FANCM: variants seen among roughly 807,000 people sequenced by gnomAD.
FANCM encodes FA complementation group M.
A neutral mutation model predicts 199.5 loss-of-function variants in FANCM; 140 were observed. The ratio of observed to expected loss-of-function variants is 0.70; its 90% CI spans 0.61 to 0.81. The LOEUF (loss-of-function observed/expected upper bound fraction) is 0.81, where lower values mean the gene tolerates loss of function less well. FANCM is among the 30% of genes least tolerant of loss of function. The probability of loss-of-function intolerance (pLI) is 0.00; values close to 1 mark genes in which losing one functional copy is unlikely to be tolerated. For missense variants in FANCM, 2,410 were observed against 2,421.4 expected (o/e 1.00, Z 0.10); for synonymous variants, 840 against 836.8 (o/e 1.00, Z -0.07).
At chr14:45,144,444 C>T (rs184902137) in intron 3 of FANCM, among the ~76,000 whole-genome samples, 2 of 152,166 alleles carry the variant, frequency 1.3e-5, no homozygotes, top group Admixed American at 6.5e-5. Flanking sequence ...CAAGTTCCTC[C>T]AGGCCCCGGG....
chr14:45,168,975 G>A (rs570628885), intron 11 of FANCM, among the ~76,000 whole-genome samples: 1 of 151,856 alleles, frequency 6.6e-6, no homozygotes, highest in African/African-American at 2.4e-5. Context: ...AGGCTGGAGT[G>A]CAGTGGCATG....
rs113814749 is a variant in FANCM, at chr14:45,191,582, AATAG to A, written c.5340+2224_5340+2227del. ...GTACTTTGGTATGTCCTAACTAAAA[AATAG>A]ATATAGGATAGTGATACTTTGAAGA... On this transcript the variant is annotated intron_variant, in intron 20 of 22. Transcript: ENST00000267430. Among the ~76,000 whole-genome samples the A allele has an allele frequency of 1.5e-3, 233 of 152,348 alleles. 1 individual carries two copies. Among genetic ancestry groups the A allele is most frequent in the African/African-American group, 5.5e-3 (228 of 41,576 alleles).
intron 14 of FANCM, among the ~76,000 whole-genome samples, chr14:45,179,348 C>G (rs914590281): frequency 2.6e-5 from 4 of 152,092 alleles, no homozygotes; most frequent in Non-Finnish European, 5.9e-5. Context: ...CCTGGCTGTT[C>G]TCTGGGTTTG....
chr14:45,136,360 G>A lies in FANCM; in HGVS notation c.329G>A (p.Cys110Tyr). ...GCTCTGTTTTGCAATACGCTGGTGT[G>A]TCTGCCTACCGGACTGGGAAAGACC... ...RAALFCNTLVCLPTGLGKTFI... is the reference protein window; with the variant it reads ...RAALFCNTLVYLPTGLGKTFI... Residue 110 changes from cysteine (C) to tyrosine (Y), a missense_variant, in exon 1 of 23, where the codon TGT becomes TAT. Physicochemically the swap from Cys to Tyr is radical, Grantham distance 194 (BLOSUM62 -2). Transcript: ENST00000267430. The A allele has an allele frequency of 6.2e-7, 1 of 1,614,180 alleles. No individual in the cohort carries two copies. The highest frequency in any genetic ancestry group is 8.5e-7 in the Non-Finnish European group (1 of 1,180,034).
rs1890218736 is a variant in FANCM at position 45,198,928 on chromosome 14, G to A, written c.6001G>A (p.Ala2001Thr). The A allele has an allele frequency of 6.2e-7, 1 of 1,603,310 alleles. No homozygotes were observed. The highest frequency in any genetic ancestry group is 8.5e-7 in the Non-Finnish European group (1 of 1,170,956). The change falls in exon 22 of 23, where the codon GCT becomes ACT. Residue 2001 changes from alanine (A) to threonine (T), a missense_variant. By Grantham distance (58) the Ala-to-Thr change is moderately conservative. Coordinates refer to ENST00000267430, the MANE Select transcript of FANCM (RefSeq NM_020937.4). Reference sequence around the variant, plus strand: ...CCAGTTTTCATCTGTGAAAAGGATGGCTAACAGGTATGTCTGTTGTAATAT... The same window carrying A: ...CCAGTTTTCATCTGTGAAAAGGATGACTAACAGGTATGTCTGTTGTAATAT... Reference protein sequence around the residue: ...CHQFSSVKRMANSSLQEISMY... With the variant: ...CHQFSSVKRMTNSSLQEISMY...
At chr14:45,143,428 G>A (rs112825861) in intron 3 of FANCM, among the ~76,000 whole-genome samples, 67 of 152,100 alleles carry the variant, frequency 4.4e-4, no homozygotes, top group Middle Eastern at 3.4e-3. Flanking sequence ...TGATCCACCT[G>A]TCTCAGCCTC....
At chr14:45,166,279 A>G (rs1359126714) in intron 10 of FANCM, among the ~76,000 whole-genome samples, 1 of 151,132 alleles carries the variant, frequency 6.6e-6, no homozygotes, top group African/African-American at 2.4e-5. Flanking sequence ...CTACAGGCGC[A>G]TGCCACCATG....
Position 45,138,368 on chromosome 14 carries a change from C to T in FANCM, c.681+1127C>T, listed in dbSNP as rs926127578. ...TAGTCATTTCTTTGGGGACTGTAAACGTTATTGTATTATATCTCTGTATTA... is the reference window on the plus strand; with the variant it reads ...TAGTCATTTCTTTGGGGACTGTAAATGTTATTGTATTATATCTCTGTATTA... On this transcript the variant is annotated intron_variant, in intron 2 of 22. Transcript: ENST00000267430. 6.6e-5 allele frequency among the ~76,000 whole-genome samples: 10 copies of T among 152,072 alleles called. No homozygotes were observed. In the East Asian group the frequency reaches 1.7e-3, roughly 26 times the overall value.
chr14:45,136,169 G>A lies in FANCM; in HGVS notation c.138G>A (p.Ala46=), dbSNP rs752946803. 6.2e-6 allele frequency: 10 copies of A among 1,614,180 alleles called. No homozygotes were observed. The South Asian group carries it at 7.7e-5, about 12-fold the overall frequency. ...GSSKAPLPAA[A]EAQLESDDDV... ...CCAAGGCGCCTTTGCCAGCAGCAGC[G>A]GAGGCTCAGCTGGAGTCGGACGATG... Residue 46 remains alanine, a synonymous_variant, in exon 1 of 23, where the codon GCG becomes GCA. Coordinates refer to ENST00000267430, the MANE Select transcript of FANCM (RefSeq NM_020937.4).
At chr14:45,141,012 T>C (rs922331663) in intron 3 of FANCM, among the ~76,000 whole-genome samples, 1 of 151,980 alleles carries the variant, frequency 6.6e-6, no homozygotes, top group African/African-American at 2.4e-5. Context: ...GCTGCAGCCT[T>C]GGTGACAGAG....
intron 21 of FANCM, 96 bp from the exon 22 acceptor site, chr14:45,198,548 G>T: frequency 1.3e-6 from 1 of 781,446 alleles, no homozygotes; most frequent in Non-Finnish European, 2.0e-6. Flanking sequence ...TTGCTCAATG[G>T]TGTAGATCTT....
At chr14:45,197,848 C>T (rs1376537816) in intron 21 of FANCM, among the ~76,000 whole-genome samples, 1 of 151,634 alleles carries the variant, frequency 6.6e-6, no homozygotes, top group Non-Finnish European at 1.5e-5. Flanking sequence ...ACTGCAACCT[C>T]CGCCTCCTGT....
rs1217555640 is a variant in FANCM at position 45,136,433 on chromosome 14, A to G, written c.402A>G (p.Ser134=). 1.9e-6 allele frequency: 3 copies of G among 1,614,034 alleles called. No individual in the cohort carries two copies. Among genetic ancestry groups the G allele is most frequent in the Non-Finnish European group, 1.7e-6 (2 of 1,180,030 alleles). The change falls in exon 1 of 23, where the codon TCA becomes TCG. Residue 134 remains serine, a synonymous_variant. Transcript: ENST00000267430. ...VMYNFYRWFP[S]GKVVFMAPTK... ...ACAATTTCTACCGCTGGTTCCCTTC[A>G]GGAAAGGTGGTCTTCATGGCCCCAA...
Position 45,185,390 on chromosome 14 carries a change from T to A in FANCM, c.4672+17T>A, listed in dbSNP as rs771506200. On this transcript the variant is annotated intron_variant, in intron 18 of 22. Coordinates refer to ENST00000267430, the MANE Select transcript of FANCM (RefSeq NM_020937.4). ...CTATAAATGGTAAATGTTATAATGA[T>A]CCTTAAAATTTTTTTCAATGTTTTT... 2.0e-6 allele frequency: 3 copies of A among 1,491,712 alleles called. No individual in the cohort carries two copies. Among genetic ancestry groups the A allele is most frequent in the African/African-American group, 2.8e-5 (2 of 71,112 alleles). 92.4% of individuals were successfully genotyped at this position (1,491,712 alleles called of 1,614,324 possible). A position where few individuals can be genotyped will look rare whatever the true frequency, so the allele number is the denominator to read the frequency against.
At chr14:45,137,014 A>G (rs1885563383) in intron 1 of FANCM, 55 bp from the exon 2 acceptor site, 1 of 1,324,814 alleles carries the variant, frequency 7.5e-7, no homozygotes, top group Admixed American at 1.7e-5. Context: ...GACTATTTAT[A>G]TTTTATAGAT....
At position 45,173,053 on chromosome 14, in the gene FANCM, AG is replaced by A; in HGVS notation, c.2161del. 6.3e-7 allele frequency: 1 copy of A among 1,599,172 alleles called. No individual in the cohort carries two copies. The highest frequency in any genetic ancestry group is 8.6e-7 in the Non-Finnish European group (1 of 1,166,546). ...ATTTTTATTACTTTTTAAATAATTA[AG>A]GCTCAAGAATCAACCACTGGAATTC... is the stretch of plus-strand genomic sequence containing the variant. On this transcript the variant is annotated splice_acceptor_variant, in intron 12 of 22. Transcript: ENST00000267430. LOFTEE classifies it high-confidence loss of function.
chr14:45,198,681 T>C lies in FANCM; in HGVS notation c.5754T>C (p.Tyr1918=), dbSNP rs772310452. 6.2e-7 allele frequency: 1 copy of C among 1,613,562 alleles called. No homozygotes were observed. The highest frequency in any genetic ancestry group is 1.3e-5 in the African/African-American group (1 of 74,920). ...GGATGTTTAGGAGAACAAAGAGCTA[T>C]GACAGCCTGCTGACTACCTTAATTG... ...TSRMFRRTKS[Y]DSLLTTLIGA... is the part of the protein sequence containing the mutation. The change falls in exon 22 of 23, where the codon TAT becomes TAC. Residue 1918 remains tyrosine, a synonymous_variant. Transcript: ENST00000267430.
intron 20 of FANCM, among the ~76,000 whole-genome samples, chr14:45,194,922 T>A (rs1020417610): frequency 2.0e-5 from 3 of 151,942 alleles, no homozygotes; most frequent in African/African-American, 7.3e-5. Context: ...ATAATTGTTG[T>A]ATTTTTAGTA....
chr14:45,197,046 A>G (rs921907447), intron 21 of FANCM, among the ~76,000 whole-genome samples: 21 of 152,230 alleles, frequency 1.4e-4, no homozygotes, highest in Admixed American at 8.5e-4. Flanking sequence ...TCAATGGGTC[A>G]CTGAAGTGGG....
Sources: allele counts gnomAD v4.1 joint callset (sites outside exome capture counted in the v4.1 genomes callset), GRCh38; gene constraint gnomAD v4.1.1; transcripts MANE v1.5; gene names NCBI Gene and HGNC (gene_info 2026-07-23, HGNC 2026-07-21).